Variants in GRM8 observed in about 807,000 individuals in gnomAD.
The protein encoded by GRM8 is glutamate metabotropic receptor 8.
GRM8 carries 47 observed loss-of-function variants against 87.2 expected under a neutral mutation model. That is an observed-to-expected ratio of 0.54 (90% CI 0.43 to 0.69). The LOEUF (loss-of-function observed/expected upper bound fraction) is 0.69. GRM8 is among the 30% of genes least tolerant of loss of function. GRM8 has a pLI of 0.00. For missense variants in GRM8, 1,019 were observed against 1,139.2 expected (o/e 0.89, Z 1.52); for synonymous variants, 396 against 404.5 (o/e 0.98, Z 0.25).
chr7:127,000,152 A>G (rs1813581425), intron 3 of GRM8, among the ~76,000 whole-genome samples: 4 of 151,796 alleles, frequency 2.6e-5, no homozygotes, highest in African/African-American at 9.7e-5. Flanking sequence ...AGAAATATAA[A>G]CTTTGCATGT....
At chr7:126,891,945 T>C (rs1282147694) in intron 6 of GRM8, among the ~76,000 whole-genome samples, 1 of 143,110 alleles carries the variant, frequency 7.0e-6, no homozygotes, top group African/African-American at 2.6e-5. Context: ...TTGTGCCAGA[T>C]GCCACCCAAG....
At chr7:127,006,011 T>C (rs1358275373) in intron 3 of GRM8, among the ~76,000 whole-genome samples, 1 of 151,854 alleles carries the variant, frequency 6.6e-6, no homozygotes, top group East Asian at 1.9e-4. Flanking sequence ...TCCTCTGGCC[T>C]CAAAGCCTCC....
chr7:126,853,317 GTTTT>G (rs200158634), intron 6 of GRM8, among the ~76,000 whole-genome samples: 1 of 151,722 alleles, frequency 6.6e-6, no homozygotes. Flanking sequence ...GTCGCAAGGT[GTTTT>G]TTTTGTTTGT....
At position 126,960,687 on chromosome 7, in the gene GRM8, C is replaced by T. The variant is rs140816447; in HGVS notation, c.728-56004G>A. Among the ~76,000 whole-genome samples, 352 of 152,240 alleles carry T rather than the reference C, an allele frequency of 2.3e-3. 2 individuals are homozygous for T. The highest frequency in any genetic ancestry group is 0.018 in the Admixed American group (281 of 15,286). On this transcript the variant is annotated intron_variant, in intron 3 of 10. Coordinates refer to ENST00000339582, the MANE Select transcript of GRM8 (RefSeq NM_000845.3). ...GACCCAGAAAAACTATTTTTGGATG[C>T]TATTTCCCCAGATACATGTAAAAAA...
chr7:126,913,909 G>A (rs566863015), intron 3 of GRM8, among the ~76,000 whole-genome samples: 1 of 152,204 alleles, frequency 6.6e-6, no homozygotes, highest in East Asian at 1.9e-4. Flanking sequence ...CTACCAACAT[G>A]GATTAAAAGA....
intron 2 of GRM8, among the ~76,000 whole-genome samples, chr7:127,222,437 T>A (rs1436824131): frequency 6.6e-6 from 1 of 152,106 alleles, no homozygotes; most frequent in Non-Finnish European, 1.5e-5. Context: ...AGCCACCCAT[T>A]GCTTTTGAAG....
At chr7:127,125,205 G>A (rs919808734) in intron 2 of GRM8, among the ~76,000 whole-genome samples, 8 of 152,160 alleles carry the variant, frequency 5.3e-5, no homozygotes, top group African/African-American at 1.9e-4. Flanking sequence ...GAGCAAATTT[G>A]AAGAATTCAT....
chr7:126,739,962 A>G (rs1814753974), intron 7 of GRM8, among the ~76,000 whole-genome samples: 1 of 152,024 alleles, frequency 6.6e-6, no homozygotes, highest in African/African-American at 2.4e-5. Flanking sequence ...TATACCATCT[A>G]GGTTTGTATA....
intron 7 of GRM8, among the ~76,000 whole-genome samples, chr7:126,664,316 C>G (rs762881038): frequency 6.6e-6 from 1 of 152,028 alleles, no homozygotes; most frequent in African/African-American, 2.4e-5. Flanking sequence ...CAAAAAAGAG[C>G]CCAAATACTC....
At position 126,685,911 on chromosome 7, in the gene GRM8, G is replaced by A. The variant is rs141639764; in HGVS notation, c.1358-76413C>T. 2.8e-3 allele frequency among the ~76,000 whole-genome samples: 430 copies of A among 152,020 alleles called. 7 individuals carry two copies. The highest frequency in any genetic ancestry group is 9.7e-3 in the African/African-American group (402 of 41,490). ...TTCCCGCATACCAGAAGGTGAACTC[G>A]TAGCGCTTTTCCCTGGGCCCTCGTG... On this transcript the variant is annotated intron_variant, in intron 7 of 10. Transcript: ENST00000339582. This position sits in a 1 kb window ranked among gnomAD's most constrained non-coding sequence, Gnocchi z 4.2.
chr7:127,145,602 T>C (rs546006796), intron 2 of GRM8, among the ~76,000 whole-genome samples: 6 of 152,146 alleles, frequency 3.9e-5, no homozygotes, highest in Non-Finnish European at 7.4e-5. Context: ...TTGTGTCAAA[T>C]GGCATTATTA....
intron 7 of GRM8, among the ~76,000 whole-genome samples, chr7:126,737,150 G>A (rs969902555): frequency 5.3e-5 from 8 of 151,922 alleles, no homozygotes; most frequent in African/African-American, 1.2e-4. Context: ...ACAAGATTCC[G>A]ACCCTCCCCA....
chr7:126,619,980 T>C (rs1799944693), intron 7 of GRM8, among the ~76,000 whole-genome samples: 1 of 151,862 alleles, frequency 6.6e-6, no homozygotes, highest in South Asian at 2.1e-4. Flanking sequence ...CATGAATAAA[T>C]GTGCCCAGCC....
intron 3 of GRM8, among the ~76,000 whole-genome samples, chr7:126,929,497 G>A (rs1035381837): frequency 3.3e-5 from 5 of 151,968 alleles, no homozygotes; most frequent in Admixed American, 2.0e-4. Context: ...GCAGTGGCGC[G>A]ACCCCGGCTC....
At chr7:127,204,709 C>T (rs1349914528) in intron 2 of GRM8, among the ~76,000 whole-genome samples, 1 of 151,948 alleles carries the variant, frequency 6.6e-6, no homozygotes, top group African/African-American at 2.4e-5. Context: ...GCTTGAAACC[C>T]TGGCCTTTTT....
chr7:127,175,528 G>T (rs1411905132), intron 2 of GRM8, among the ~76,000 whole-genome samples: 1 of 152,126 alleles, frequency 6.6e-6, no homozygotes, highest in Non-Finnish European at 1.5e-5. Context: ...TAAACTACTT[G>T]TAGGCATAGC....
chr7:127,072,973 G>C (rs957924946), intron 3 of GRM8, among the ~76,000 whole-genome samples: 1 of 124,768 alleles, frequency 8.0e-6, no homozygotes, highest in African/African-American at 2.8e-5. Flanking sequence ...GGCCATCCTC[G>C]CTTCCTTTTC....
intron 7 of GRM8, among the ~76,000 whole-genome samples, chr7:126,630,202 A>G (rs1801124127): frequency 6.6e-6 from 1 of 152,154 alleles, no homozygotes; most frequent in Non-Finnish European, 1.5e-5. Context: ...TAATTAGTCA[A>G]AGAAAAAATT....
chr7:126,736,079 A>G (rs2299505), intron 7 of GRM8, among the ~76,000 whole-genome samples: 49,409 of 151,904 alleles, frequency 0.33, 8,661 homozygotes, highest in Non-Finnish European at 0.38. Context: ...CTCATGGCTC[A>G]GCACAAATGG....
Sources: gnomAD v4.1 joint callset for allele counts (sites outside exome capture counted in the v4.1 genomes callset) on GRCh38, gnomAD v4.1.1 for gene constraint, Gnocchi (gnomAD v3.1) non-coding constraint, MANE v1.5 for transcripts, NCBI Gene and HGNC (gene_info 2026-07-23, HGNC 2026-07-21) for gene names.